Variants in TEX11 observed in about 807,000 individuals in gnomAD.
TEX11 encodes testis expressed 11.
In TEX11, 7 loss-of-function variants were observed where a neutral mutation model predicts 84.4. The observed-to-expected ratio is 0.08, with a 90% CI of 0.05 to 0.16. TEX11 has a LOEUF of 0.16. TEX11 is among the 10% of genes least tolerant of loss of function. TEX11 has a pLI of 1.00. For missense variants in TEX11, 551 were observed against 660.5 expected (o/e 0.83, Z 1.82); for synonymous variants, 264 against 222.8 (o/e 1.18, Z -1.64).
intron 8 of TEX11, among the ~76,000 whole-genome samples, chrX:70,826,173 T>C (rs2091344790): frequency 9.2e-6 from 1 of 109,117 alleles, no homozygotes; most frequent in Non-Finnish European, 1.9e-5. Flanking sequence ...TAGCTGGGCA[T>C]GGTGGCTCAT....
At chrX:70,904,526 A>G (rs2091819665) in intron 2 of TEX11, among the ~76,000 whole-genome samples, 1 of 112,481 alleles carries the variant, frequency 8.9e-6, no homozygotes, top group African/African-American at 3.2e-5. Flanking sequence ...AAAGTCTGAC[A>G]ATATCAAATA....
chrX:70,737,819 G>A (rs974077094), intron 11 of TEX11, among the ~76,000 whole-genome samples: 15 of 111,149 alleles, frequency 1.3e-4, no homozygotes, highest in African/African-American at 4.9e-4. Flanking sequence ...TGCTGAAGAC[G>A]TGAAGAAATT....
intron 16 of TEX11, among the ~76,000 whole-genome samples, chrX:70,660,221 G>A (rs1015354229): frequency 8.1e-5 from 9 of 111,508 alleles, no homozygotes; most frequent in African/African-American, 2.9e-4. Flanking sequence ...TGAAGGCCTA[G>A]GATATTACTG....
chrX:70,590,037 C>T (rs1221686683), intron 25 of TEX11, among the ~76,000 whole-genome samples: 3 of 111,949 alleles, frequency 2.7e-5, no homozygotes, highest in Admixed American at 9.5e-5. Flanking sequence ...GTTTTATTTA[C>T]ATGTCTTAGA....
intron 11 of TEX11, among the ~76,000 whole-genome samples, chrX:70,732,637 C>G (rs1006787005): frequency 9.0e-6 from 1 of 111,100 alleles, no homozygotes; most frequent in Admixed American, 9.6e-5. Flanking sequence ...AACCACTGCT[C>G]AATGAAATAA....
intron 17 of TEX11, among the ~76,000 whole-genome samples, chrX:70,645,243 C>A (rs949311938): frequency 9.1e-6 from 1 of 109,361 alleles, no homozygotes; most frequent in Non-Finnish European, 1.9e-5. Flanking sequence ...CAAATTCTTC[C>A]AAAAAATGGA....
At chrX:70,569,660 C>G (rs2088557812) in intron 25 of TEX11, among the ~76,000 whole-genome samples, 2 of 111,970 alleles carry the variant, frequency 1.8e-5, no homozygotes, top group African/African-American at 3.2e-5. Context: ...TTGGAGTTTG[C>G]TAGAGGTCCA....
chrX:70,562,889 T>C (rs1252933921), intron 25 of TEX11, among the ~76,000 whole-genome samples: 1 of 112,521 alleles, frequency 8.9e-6, no homozygotes, highest in Non-Finnish European at 1.9e-5. Flanking sequence ...TTTTACCTTT[T>C]CCAGGATATC....
intron 25 of TEX11, among the ~76,000 whole-genome samples, chrX:70,578,174 G>A (rs1011530137): frequency 7.1e-5 from 8 of 112,412 alleles, no homozygotes; most frequent in Non-Finnish European, 1.5e-4. Context: ...AGTGGCAGCA[G>A]AAATTTGTTG....
At chrX:70,736,108 A>C (rs2090693982) in intron 11 of TEX11, among the ~76,000 whole-genome samples, 1 of 111,662 alleles carries the variant, frequency 9.0e-6, no homozygotes, top group Non-Finnish European at 1.9e-5. Context: ...TTTGAAGCAA[A>C]AAAATTAATT....
rs966096318 is a variant in TEX11 at position 70,542,249 on chromosome X, C to T, written c.2520+9877G>A. Among the ~76,000 whole-genome samples the T allele has an allele frequency of 5.4e-5, 6 of 111,164 alleles. No homozygotes were observed. The Admixed American group carries it at 5.8e-4, about 11-fold the overall frequency. On this transcript the variant is annotated intron_variant, in intron 28 of 29. Coordinates refer to ENST00000374333, the MANE Select transcript of TEX11 (RefSeq NM_031276.3). The stretch of plus-strand genomic sequence containing the variant: ...AAAGAGACCCTAGAGAGATCCTTTA[C>T]CCCTTCTGCCATGTGAGCTTACAGT...
At chrX:70,592,424 T>TC (rs1242190070) in intron 24 of TEX11, among the ~76,000 whole-genome samples, 1 of 110,965 alleles carries the variant, frequency 9.0e-6, no homozygotes, top group Non-Finnish European at 1.9e-5. Context: ...GCACTTCTCA[T>TC]CCCCCCAGAT....
chrX:70,717,858 A>G (rs772299784), intron 13 of TEX11, among the ~76,000 whole-genome samples: 1 of 112,250 alleles, frequency 8.9e-6, no homozygotes, highest in Non-Finnish European at 1.9e-5. Context: ...CATTAACCGA[A>G]CGATGGTATA....
chrX:70,825,452 T>C (rs1343421399), intron 8 of TEX11, among the ~76,000 whole-genome samples: 1 of 110,349 alleles, frequency 9.1e-6, no homozygotes. Context: ...GATATGAATG[T>C]TAAAACTATC....
At chrX:70,817,621 T>C (rs1445367583) in intron 8 of TEX11, among the ~76,000 whole-genome samples, 1 of 110,305 alleles carries the variant, frequency 9.1e-6, no homozygotes, top group Non-Finnish European at 1.9e-5. Flanking sequence ...GTGGCAGTAG[T>C]TGCAGTGAGC....
At chrX:70,549,586 T>C (rs770947628) in intron 28 of TEX11, among the ~76,000 whole-genome samples, 5 of 110,955 alleles carry the variant, frequency 4.5e-5, no homozygotes, top group Non-Finnish European at 1.9e-5. Flanking sequence ...CACAAGCTGA[T>C]TGCAGAGCCC....
Position 70,722,843 on chromosome X carries a change from TA to T in TEX11, c.926-148del, listed in dbSNP as rs896206547. 4 of 464,693 alleles carry T rather than the reference TA, an allele frequency of 8.6e-6. No individual in the cohort carries two copies. In the African/African-American group the frequency reaches 9.7e-5, roughly 11 times the overall value. The allele number at this position is 464,693 out of a possible 1,213,427, so 38.3% of individuals were successfully genotyped here. A position where few individuals can be genotyped will look rare whatever the true frequency, so the allele number is the denominator to read the frequency against. ...CTAAAAATTTATCAAAATCTTCTTT[TA>T]AAGTATTAACATCCAGTGCTGGAGA... On this transcript the variant is annotated intron_variant, in intron 12 of 29. Transcript: ENST00000374333.
intron 7 of TEX11, among the ~76,000 whole-genome samples, chrX:70,834,795 T>C (rs1179216520): frequency 1.8e-5 from 2 of 110,344 alleles, no homozygotes; most frequent in Non-Finnish European, 3.8e-5. Flanking sequence ...ACAGCATTTT[T>C]TAAGAAAAAC....
At chrX:70,731,505 A>G (rs1264643926) in intron 11 of TEX11, among the ~76,000 whole-genome samples, 1 of 111,826 alleles carries the variant, frequency 8.9e-6, no homozygotes, top group East Asian at 2.8e-4. Context: ...ACAAACTACC[A>G]TCAGAGAATA....
Sources: gnomAD v4.1 joint callset for allele counts (sites outside exome capture counted in the v4.1 genomes callset) on GRCh38, gnomAD v4.1.1 for gene constraint, MANE v1.5 for transcripts, NCBI Gene and HGNC (gene_info 2026-07-23, HGNC 2026-07-21) for gene names.